The following TWSG1 variants were observed in gnomAD, a reference collection of about 807,000 sequenced individuals.
The protein encoded by TWSG1 is twisted gastrulation BMP signaling modulator 1.
TWSG1 carries 15 observed loss-of-function variants against 23.0 expected under a neutral mutation model. That is an observed-to-expected ratio of 0.65 (90% CI 0.44 to 1.00). TWSG1 has a LOEUF of 1.00. Among genes scored for constraint, TWSG1 ranks in the 50% least tolerant of loss-of-function variants. TWSG1 has a pLI of 0.00. For missense variants in TWSG1, 242 were observed against 278.7 expected (o/e 0.87, Z 0.94); for synonymous variants, 86 against 92.8 (o/e 0.93, Z 0.42).
chr18:9,372,044 C>T (rs557510118), intron 3 of TWSG1, among the ~76,000 whole-genome samples: 2 of 152,098 alleles, frequency 1.3e-5, no homozygotes, highest in Admixed American at 1.3e-4. Flanking sequence ...GGATTACAGC[C>T]GTGAGCCATC....
At chr18:9,339,632 T>A (rs992567859) in intron 2 of TWSG1, among the ~76,000 whole-genome samples, 2 of 151,938 alleles carry the variant, frequency 1.3e-5, no homozygotes, top group Admixed American at 6.6e-5. Flanking sequence ...TAAAAAAATT[T>A]AAAAAATTAC....
chr18:9,339,142 C>A (rs2040434986), intron 2 of TWSG1, among the ~76,000 whole-genome samples: 1 of 151,638 alleles, frequency 6.6e-6, no homozygotes, highest in Non-Finnish European at 1.5e-5. Context: ...GAGGTTGAGG[C>A]TGCAGTGAGC....
At chr18:9,358,853 A>T (rs1327345393) in intron 2 of TWSG1, among the ~76,000 whole-genome samples, 1 of 152,208 alleles carries the variant, frequency 6.6e-6, no homozygotes, top group African/African-American at 2.4e-5. Context: ...CACCAAAATA[A>T]TAAAATATTA....
chr18:9,394,775 C>A (rs1282577503), intron 3 of TWSG1, among the ~76,000 whole-genome samples: 1 of 152,090 alleles, frequency 6.6e-6, no homozygotes, highest in Admixed American at 6.6e-5. Context: ...TGCATGCATG[C>A]ACACACACGC....
intron 3 of TWSG1, among the ~76,000 whole-genome samples, chr18:9,381,990 C>G (rs1211236368): frequency 1.3e-5 from 2 of 151,938 alleles, no homozygotes; most frequent in African/African-American, 2.4e-5. Flanking sequence ...TAGAATAACT[C>G]TAAGATATCT....
At chr18:9,364,453 T>C (rs142771925) in intron 3 of TWSG1, among the ~76,000 whole-genome samples, 3,034 of 152,262 alleles carry the variant, frequency 0.02, 104 homozygotes, top group Admixed American at 0.09. Context: ...ACCTGGTGAT[T>C]TCACCCCTTC....
intron 3 of TWSG1, among the ~76,000 whole-genome samples, chr18:9,386,866 A>C (rs2040687523): frequency 6.6e-6 from 1 of 152,238 alleles, no homozygotes; most frequent in Admixed American, 6.5e-5. Context: ...CCAATGACTT[A>C]AGTGGTTGGT....
chr18:9,344,531 A>ATTTTTT (rs386387024), intron 2 of TWSG1, among the ~76,000 whole-genome samples: 2 of 102,100 alleles, frequency 2.0e-5, no homozygotes, highest in African/African-American at 3.7e-5. Flanking sequence ...GTATGTATGT[A>ATTTTTT]TTTTTTTTTT....
intron 2 of TWSG1, among the ~76,000 whole-genome samples, chr18:9,338,877 A>G (rs774429067): frequency 1.3e-5 from 2 of 152,206 alleles, no homozygotes; most frequent in Non-Finnish European, 2.9e-5. Context: ...CTTCAACTCT[A>G]TAACTTGCAT....
At chr18:9,371,297 C>CT (rs758891489) in intron 3 of TWSG1, among the ~76,000 whole-genome samples, 4,069 of 138,404 alleles carry the variant, frequency 0.029, 179 homozygotes, top group African/African-American at 0.097. Context: ...TTAGAAATCA[C>CT]TTTTTTTTTT....
rs1266990734 is a variant in TWSG1, at chr18:9,402,406, A to G, written c.*2879A>G. Reference sequence around the variant, plus strand: ...CCTATTAACAAAAAAGTATTTTAATAAAAAATTGAAATGAGTGAGTCATAT... The same window carrying G: ...CCTATTAACAAAAAAGTATTTTAATGAAAAATTGAAATGAGTGAGTCATAT... On this transcript the variant is annotated 3_prime_UTR_variant, in exon 5 of 5. Coordinates refer to ENST00000262120, the MANE Select transcript of TWSG1 (RefSeq NM_020648.6). The G allele has an allele frequency of 6.6e-6, 1 of 152,236 alleles. No homozygotes were observed. Among genetic ancestry groups the G allele is most frequent in the Non-Finnish European group, 1.5e-5 (1 of 68,044 alleles). The allele number at this position is 152,236 out of a possible 1,614,324, so 9.4% of individuals were successfully genotyped here. A position where few individuals can be genotyped will look rare whatever the true frequency, so the allele number is the denominator to read the frequency against.
chr18:9,340,987 C>T (rs113949738), intron 2 of TWSG1, among the ~76,000 whole-genome samples: 136 of 152,286 alleles, frequency 8.9e-4, no homozygotes, highest in African/African-American at 3.2e-3. Context: ...TTCAGGTATA[C>T]GTCTCTTCCT....
At chr18:9,364,834 G>T (rs993659392) in intron 3 of TWSG1, among the ~76,000 whole-genome samples, 26 of 151,760 alleles carry the variant, frequency 1.7e-4, no homozygotes, top group Non-Finnish European at 1.5e-4. Flanking sequence ...GTAGAACAAT[G>T]ATTTTCTATT....
intron 2 of TWSG1, among the ~76,000 whole-genome samples, chr18:9,338,332 G>A (rs1223520676): frequency 6.6e-6 from 1 of 152,192 alleles, no homozygotes; most frequent in African/African-American, 2.4e-5. Flanking sequence ...CATTTAACTA[G>A]AGAAGTGTGT....
chr18:9,387,610 CA>C (rs11443705), intron 3 of TWSG1, among the ~76,000 whole-genome samples: 3 of 149,438 alleles, frequency 2.0e-5, no homozygotes, highest in Admixed American at 1.3e-4. Flanking sequence ...ACTAAAAATA[CA>C]AAAAAAAAAT....
chr18:9,337,235 G>T lies in TWSG1; in HGVS notation c.6G>T (p.Lys2Asn), dbSNP rs1568029650. The change falls in exon 2 of 5, where the codon AAG becomes AAT. Residue 2 changes from lysine (K) to asparagine (N), a missense_variant. By Grantham distance (94) the Lys-to-Asn change is moderately conservative. Transcript: ENST00000262120. Reference protein sequence around the residue: MKLHYVAVLTLA... With the variant: MNLHYVAVLTLA... The stretch of plus-strand genomic sequence containing the variant: ...ATCATCTTCTTTGAAGAAACATGAA[G>T]TTACACTATGTTGCTGTGCTTACTC... 2 of 1,611,308 alleles carry T rather than the reference G, an allele frequency of 1.2e-6. No homozygotes were observed. Among genetic ancestry groups the T allele is most frequent in the African/African-American group, 1.3e-5 (1 of 75,036 alleles).
chr18:9,394,257 T>G (rs912225597), intron 3 of TWSG1, among the ~76,000 whole-genome samples: 1 of 152,200 alleles, frequency 6.6e-6, no homozygotes, highest in Non-Finnish European at 1.5e-5. Context: ...TATGCCAACA[T>G]AGATGGAACT....
chr18:9,368,627 A>G (rs2040590549), intron 3 of TWSG1, among the ~76,000 whole-genome samples: 1 of 151,962 alleles, frequency 6.6e-6, no homozygotes, highest in Non-Finnish European at 1.5e-5. Flanking sequence ...AGGCTGGCCA[A>G]CATAGTAAAA....
chr18:9,344,523 A>ATT, intron 2 of TWSG1, among the ~76,000 whole-genome samples: 1 of 108,398 alleles, frequency 9.2e-6, no homozygotes, highest in South Asian at 3.5e-4. Context: ...GTGTGTGTGT[A>ATT]TGTATGTATT....
Sources: allele counts gnomAD v4.1 joint callset (sites outside exome capture counted in the v4.1 genomes callset), GRCh38; gene constraint gnomAD v4.1.1; transcripts MANE v1.5; gene names NCBI Gene and HGNC (gene_info 2026-07-23, HGNC 2026-07-21).